Variants in ZDHHC11B observed in about 807,000 individuals in gnomAD.
The protein encoded by ZDHHC11B is zDHHC palmitoyltransferase 11B (putative), also known as probable palmitoyltransferase ZDHHC11B.
A neutral mutation model predicts 42.3 loss-of-function variants in ZDHHC11B; 17 were observed. That is an observed-to-expected ratio of 0.40 (90% confidence interval 0.27 to 0.60). ZDHHC11B has a LOEUF of 0.60. ZDHHC11B is among the 20% of genes least tolerant of loss of function. The pLI, the probability that ZDHHC11B is intolerant of heterozygous loss-of-function variation, is 0.41. For synonymous variants in ZDHHC11B, 123 were observed against 193.5 expected (o/e 0.64, Z 3.02); for missense variants, 262 against 463.2 (o/e 0.57, Z 3.99).
chr5:765,606 G>A lies in ZDHHC11B; in HGVS notation c.222+1092C>T, dbSNP rs567672712. ...CAAGCCAGTAGCAGCAAACTGCTTG[G>A]GTTCTCTTCCACATTGTGGAAGTTT... On this transcript the variant is annotated intron_variant, in intron 4 of 13. Transcript: ENST00000508859. Among the ~76,000 whole-genome samples the A allele has an allele frequency of 7.5e-4, 114 of 151,950 alleles. 2 individuals are homozygous for A. In the East Asian group the frequency reaches 0.021, roughly 28 times the overall value.
chr5:747,619 A>T (rs1744999724), intron 8 of ZDHHC11B: 1 of 153,058 alleles, frequency 6.5e-6, no homozygotes, highest in African/African-American at 2.5e-5. Context: ...AGGTGAGCCC[A>T]GAGCCTGACC....
At chr5:717,764 C>T (rs1413272710) in intron 12 of ZDHHC11B, among the ~76,000 whole-genome samples, 17 of 151,794 alleles carry the variant, frequency 1.1e-4, no homozygotes, top group African/African-American at 3.6e-4. Context: ...GAGTGTGCTG[C>T]AGAACCTGGA....
intron 4 of ZDHHC11B, among the ~76,000 whole-genome samples, chr5:765,586 C>T (rs1735171618): frequency 1.3e-5 from 2 of 152,000 alleles, no homozygotes; most frequent in African/African-American, 2.4e-5. Flanking sequence ...CTGCTCAAGC[C>T]AGTAGCAGCA....
intron 12 of ZDHHC11B, among the ~76,000 whole-genome samples, chr5:717,936 G>T (rs1156416203): frequency 1.3e-5 from 2 of 151,812 alleles, no homozygotes; most frequent in African/African-American, 4.9e-5. Context: ...TCTGCCACCA[G>T]ATTATTGCAG....
intron 4 of ZDHHC11B, among the ~76,000 whole-genome samples, chr5:764,639 T>C (rs1735038829): frequency 6.6e-6 from 1 of 151,832 alleles, no homozygotes; most frequent in African/African-American, 2.4e-5. Flanking sequence ...TGCCTGAGCC[T>C]CCCCGCTGCC....
At position 712,681 on chromosome 5, in the gene ZDHHC11B, G is replaced by A. The variant is rs541647279; in HGVS notation, c.*8-399C>T. Among the ~76,000 whole-genome samples the A allele has an allele frequency of 2.3e-3, 350 of 151,064 alleles. 3 individuals carry two copies. The highest frequency in any genetic ancestry group is 0.01 in the Middle Eastern group (3 of 290). On this transcript the variant is annotated intron_variant, in intron 13 of 13. Transcript: ENST00000508859. ...TCCCAGCACTTTGGGAGTCCGAGGC[G>A]GGTGGATCATGAGGTCAGGAGATCG...
chr5:769,552 G>A (rs1437439221), intron 1 of ZDHHC11B, among the ~76,000 whole-genome samples: 2 of 152,048 alleles, frequency 1.3e-5, no homozygotes, highest in East Asian at 1.9e-4. Flanking sequence ...GGGTGAGAGC[G>A]AGGGAAGCAG....
chr5:779,094 C>A (rs1736773845), intron 1 of ZDHHC11B, among the ~76,000 whole-genome samples: 1 of 151,348 alleles, frequency 6.6e-6, no homozygotes, highest in South Asian at 2.1e-4. Flanking sequence ...CATAAATTAC[C>A]ATGCCTGGTG....
At chr5:738,892 A>C (rs1239574919) in intron 10 of ZDHHC11B, among the ~76,000 whole-genome samples, 1 of 150,996 alleles carries the variant, frequency 6.6e-6, no homozygotes, top group Non-Finnish European at 1.5e-5. Context: ...ATGACGAAGA[A>C]TCCAAAAGCA....
chr5:771,751 T>C (rs1256482165), intron 1 of ZDHHC11B, among the ~76,000 whole-genome samples: 1 of 150,744 alleles, frequency 6.6e-6, no homozygotes, highest in African/African-American at 2.4e-5. Context: ...GTGGTGGGCG[T>C]GCGGGTCAGA....
In ZDHHC11B at chr5:729,012, C is replaced by CAAAAAAA. The variant is rs751272226; in HGVS notation, c.1058+1415_1058+1421dup. Reference sequence around the variant, plus strand: ...TGGGTGACAGAGAAAGACCCTGTCTCAAAAAAAAAAAAAAATGTTGCTCCA... The same window carrying CAAAAAAA: ...TGGGTGACAGAGAAAGACCCTGTCTCAAAAAAAAAAAAAAAAAAAAAATGTTGCTCCA... On this transcript the variant is annotated intron_variant, in intron 12 of 13. Coordinates refer to ENST00000508859, the MANE Select transcript of ZDHHC11B (RefSeq NM_001351303.2). 1.9e-3 allele frequency among the ~76,000 whole-genome samples: 260 copies of CAAAAAAA among 134,540 alleles called. 3 individuals are homozygous for CAAAAAAA. The highest frequency in any genetic ancestry group is 6.5e-3 in the East Asian group (31 of 4,758). The allele number at this position is 134,540 out of a possible 152,430, so 88.3% of individuals were successfully genotyped here. A position where few individuals can be genotyped will look rare whatever the true frequency, so the allele number is the denominator to read the frequency against.
chr5:748,074 A>C lies in ZDHHC11B; in HGVS notation c.784+330T>G, dbSNP rs1745067149. On this transcript the variant is annotated intron_variant, in intron 8 of 13. Transcript: ENST00000508859. ...ATTTCATAATGTCCTGTTCTTGCCT[A>C]ATAGATTCCATTCCATTTTCTCTGA... 1.2e-5 allele frequency: 6 copies of C among 496,126 alleles called. 1 individual carries two copies. The highest frequency in any genetic ancestry group is 3.9e-5 in the Admixed American group (1 of 25,572). 30.7% of individuals were successfully genotyped at this position (496,126 alleles called of 1,614,324 possible).
intron 12 of ZDHHC11B, among the ~76,000 whole-genome samples, chr5:717,536 T>A (rs1408215519): frequency 6.6e-6 from 1 of 151,766 alleles, no homozygotes; most frequent in Non-Finnish European, 1.5e-5. Context: ...AAAAAGTCAC[T>A]AGGGACTTCT....
intron 10 of ZDHHC11B, 51 bp from the exon 11 acceptor site, chr5:733,890 C>G: frequency 3.3e-6 from 5 of 1,496,814 alleles, no homozygotes; most frequent in Non-Finnish European, 4.6e-6. Context: ...TGTGGGGGGG[C>G]TCAGGGTGGC....
intron 12 of ZDHHC11B, among the ~76,000 whole-genome samples, chr5:717,430 G>A (rs6896319): frequency 1 from 151,628 of 151,630 alleles, 75,813 homozygotes; most frequent in Non-Finnish European, 1. Context: ...AGAGGGTTGG[G>A]GATCCGGCTT....
At position 766,908 on chromosome 5, in the gene ZDHHC11B, G is replaced by A. The variant is rs1444663915; in HGVS notation, c.12C>T (p.Arg4=). Residue 4 remains arginine (R), a synonymous_variant, in exon 4 of 14, where the codon CGC becomes CGT. Coordinates refer to ENST00000508859, the MANE Select transcript of ZDHHC11B (RefSeq NM_001351303.2). ...GGGTGACGGAACACTGGCTCCCGGAGCGGGTGTCCATCTGCAGGACACAGA... is the reference window on the plus strand; with the variant it reads ...GGGTGACGGAACACTGGCTCCCGGAACGGGTGTCCATCTGCAGGACACAGA... MDT[R]SGSQCSVTPE... is the part of the protein sequence containing the mutation. 10 of 1,612,064 alleles carry A rather than the reference G, an allele frequency of 6.2e-6. No homozygotes were observed. Among genetic ancestry groups the A allele is most frequent in the Middle Eastern group, 1.6e-4 (1 of 6,082 alleles).
chr5:730,562 C>T (rs1742946041), intron 11 of ZDHHC11B, 94 bp from the exon 12 acceptor site: 1 of 1,305,366 alleles, frequency 7.7e-7, no homozygotes, highest in African/African-American at 1.5e-5. Flanking sequence ...CATTACTAGT[C>T]AGTTCTGAGT....
In ZDHHC11B at chr5:752,916, T is replaced by C. The variant is rs1320994024; in HGVS notation, c.504-1659A>G. 1.6e-5 allele frequency among the ~76,000 whole-genome samples: 2 copies of C among 126,630 alleles called. 1 individual carries two copies. Among genetic ancestry groups the C allele is most frequent in the Non-Finnish European group, 3.5e-5 (2 of 56,618 alleles). The allele number at this position is 126,630 out of a possible 152,430, so 83.1% of individuals were successfully genotyped here. A position where few individuals can be genotyped will look rare whatever the true frequency, so the allele number is the denominator to read the frequency against. ...CTTCATCCAGGAAAGAAGGCGGGTC[T>C]CTAAGACCACAGAGACCAGAGACCA... On this transcript the variant is annotated intron_variant, in intron 6 of 13. Transcript: ENST00000508859.
chr5:743,846 G>T (rs1340347646), intron 9 of ZDHHC11B, among the ~76,000 whole-genome samples: 6 of 149,798 alleles, frequency 4.0e-5, no homozygotes, highest in Middle Eastern at 3.4e-3. Context: ...TATTCTGTGT[G>T]CCTTAATTTT....
Sources: allele counts gnomAD v4.1 joint callset (sites outside exome capture counted in the v4.1 genomes callset), GRCh38; gene constraint gnomAD v4.1.1; transcripts MANE v1.5; gene names NCBI Gene and HGNC (gene_info 2026-07-23, HGNC 2026-07-21).